HIVEP3: variants seen among roughly 807,000 people sequenced by gnomAD.
The protein encoded by HIVEP3 is HIVEP zinc finger 3.
A neutral mutation model predicts 152.8 loss-of-function variants in HIVEP3; 49 were observed. That is an observed-to-expected ratio of 0.32 (90% CI 0.26 to 0.41). The LOEUF (loss-of-function observed/expected upper bound fraction) is 0.41, where lower values mean the gene tolerates loss of function less well. Ranked by LOEUF, HIVEP3 falls within the 10% of genes least tolerant of loss-of-function variation. The pLI, the probability that HIVEP3 is intolerant of heterozygous loss-of-function variation, is 1.00. For synonymous variants in HIVEP3, 1,269 were observed against 1,289.0 expected (o/e 0.98, Z 0.33); for missense variants, 2,790 against 3,103.3 (o/e 0.90, Z 2.40).
chr1:41,891,240 A>G (rs1644441185), intron 1 of HIVEP3, among the ~76,000 whole-genome samples: 1 of 152,210 alleles, frequency 6.6e-6, no homozygotes, highest in South Asian at 2.1e-4. Context: ...GCAGGAACAC[A>G]GAAAAAAAAC....
chr1:41,877,811 T>A (rs1037336280), intron 1 of HIVEP3, among the ~76,000 whole-genome samples: 4 of 152,228 alleles, frequency 2.6e-5, no homozygotes, highest in Non-Finnish European at 5.9e-5. Flanking sequence ...ACCTAGAACC[T>A]GGAAACCAAA....
intron 1 of HIVEP3, among the ~76,000 whole-genome samples, chr1:41,734,899 T>C (rs1007997931): frequency 5.3e-5 from 8 of 152,036 alleles, no homozygotes; most frequent in African/African-American, 9.7e-5. Context: ...AAATGAGGAA[T>C]TGGGTTTTGC....
intron 5 of HIVEP3, among the ~76,000 whole-genome samples, chr1:41,547,221 C>T (rs139492834): frequency 9.9e-5 from 15 of 152,266 alleles, no homozygotes; most frequent in South Asian, 2.1e-4. Context: ...AAAGCATCTA[C>T]GGATTTTATT....
chr1:41,650,830 C>T (rs1014591631), intron 2 of HIVEP3, among the ~76,000 whole-genome samples: 48 of 152,278 alleles, frequency 3.2e-4, no homozygotes, highest in Middle Eastern at 3.4e-3. Context: ...TATCCTCCCA[C>T]GTTAAGACCT....
In HIVEP3 at chr1:41,622,607, C is replaced by T. The variant is rs75738494; in HGVS notation, c.-522+6142G>A. 1.6e-3 allele frequency among the ~76,000 whole-genome samples: 242 copies of T among 152,322 alleles called. 2 individuals are homozygous for T. The East Asian group carries it at 0.041, about 26-fold the overall frequency. On this transcript the variant is annotated intron_variant, in intron 3 of 8. Transcript: ENST00000372583. ...TGACAAAGTCAAGAGAGACTATATG[C>T]CCGGCAAAGCTTCAAATACTATCTG...
intron 1 of HIVEP3, among the ~76,000 whole-genome samples, chr1:41,773,297 C>T (rs906219628): frequency 3.9e-5 from 6 of 152,168 alleles, no homozygotes; most frequent in African/African-American, 9.7e-5. Context: ...TCTTGTGATT[C>T]GCAGTTCAAT....
intron 1 of HIVEP3, among the ~76,000 whole-genome samples, chr1:41,827,271 A>T (rs1448951135): frequency 6.6e-6 from 1 of 152,192 alleles, no homozygotes; most frequent in East Asian, 1.9e-4. Context: ...TACCTTATTG[A>T]TATCCTTCTG....
At chr1:42,011,260 G>A (rs746517923) in intron 1 of HIVEP3, among the ~76,000 whole-genome samples, 6 of 152,146 alleles carry the variant, frequency 3.9e-5, no homozygotes, top group African/African-American at 7.2e-5. Context: ...TTTTGACAAT[G>A]TAGAGTTTCA....
At chr1:41,516,812 CG>C (rs1158401120) in intron 7 of HIVEP3, among the ~76,000 whole-genome samples, 1 of 152,256 alleles carries the variant, frequency 6.6e-6, no homozygotes, top group Non-Finnish European at 1.5e-5. Flanking sequence ...CTCCTGACCC[CG>C]GTTCCTCCGG....
At chr1:41,677,422 G>A (rs7548872) in intron 2 of HIVEP3, among the ~76,000 whole-genome samples, 5,849 of 152,266 alleles carry the variant, frequency 0.038, 132 homozygotes, top group Middle Eastern at 0.065. Context: ...GTGCACCAGC[G>A]GTGTGACATT....
chr1:41,968,602 A>G (rs772869083), intron 1 of HIVEP3, among the ~76,000 whole-genome samples: 2 of 152,244 alleles, frequency 1.3e-5, no homozygotes, highest in Non-Finnish European at 2.9e-5. Flanking sequence ...AGCCAATATC[A>G]TACTGAATGG....
At chr1:41,723,925 T>C (rs1462077109) in intron 1 of HIVEP3, among the ~76,000 whole-genome samples, 1 of 152,202 alleles carries the variant, frequency 6.6e-6, no homozygotes, top group African/African-American at 2.4e-5. Flanking sequence ...CCAGAGTAGC[T>C]TAATCCTGCC....
chr1:41,958,641 A>T (rs1645153093), intron 1 of HIVEP3, among the ~76,000 whole-genome samples: 1 of 152,188 alleles, frequency 6.6e-6, no homozygotes, highest in African/African-American at 2.4e-5. Flanking sequence ...CCTAGATCAC[A>T]ACTATGGCCC....
chr1:41,793,291 T>C (rs1332619608), intron 1 of HIVEP3, among the ~76,000 whole-genome samples: 3 of 152,238 alleles, frequency 2.0e-5, no homozygotes, highest in Non-Finnish European at 2.9e-5. Flanking sequence ...AGGGATGCTC[T>C]CTATCTGCAG....
At chr1:42,026,753 T>A (rs1456205972) in intron 1 of HIVEP3, among the ~76,000 whole-genome samples, 1 of 152,106 alleles carries the variant, frequency 6.6e-6, no homozygotes, top group Non-Finnish European at 1.5e-5. Context: ...ACATAACCAC[T>A]CTTCTTTTGC....
chr1:41,518,907 G>A (rs1374663064), intron 6 of HIVEP3, among the ~76,000 whole-genome samples: 1 of 151,414 alleles, frequency 6.6e-6, no homozygotes, highest in African/African-American at 2.4e-5. Flanking sequence ...CTCAAGTGTG[G>A]GATGACGTGG....
chr1:41,718,792 A>G (rs201643876), intron 1 of HIVEP3, among the ~76,000 whole-genome samples: 7 of 146,502 alleles, frequency 4.8e-5, no homozygotes, highest in African/African-American at 1.9e-4. Flanking sequence ...ACACACACAC[A>G]CACACGTGCA....
At position 41,660,708 on chromosome 1, in the gene HIVEP3, C is replaced by G. The variant is rs530609045; in HGVS notation, c.-720-31761G>C. 1.2e-4 allele frequency among the ~76,000 whole-genome samples: 18 copies of G among 152,184 alleles called. No individual in the cohort carries two copies. The South Asian group carries it at 3.3e-3, about 28-fold the overall frequency. On this transcript the variant is annotated intron_variant, in intron 2 of 8. Transcript: ENST00000372583. ...CAAGCCTACTAACTTGAAAAGGGCC[C>G]GCAACTAGAAAAAAAATGCTGGGTT...
chr1:41,682,185 T>C (rs1027250770), intron 2 of HIVEP3, among the ~76,000 whole-genome samples: 3 of 152,270 alleles, frequency 2.0e-5, no homozygotes, highest in African/African-American at 7.2e-5. Flanking sequence ...CCACACTCAG[T>C]GGCTTGCATG....
Sources: gnomAD v4.1 joint callset for allele counts (sites outside exome capture counted in the v4.1 genomes callset) on GRCh38, gnomAD v4.1.1 for gene constraint, MANE v1.5 for transcripts, NCBI Gene and HGNC (gene_info 2026-07-23, HGNC 2026-07-21) for gene names.